RNLS: variants seen among roughly 807,000 people sequenced by gnomAD.
RNLS encodes the protein renalase.
A neutral mutation model predicts 39.8 loss-of-function variants in RNLS; 39 were observed. That is an observed-to-expected ratio of 0.98 (90% CI 0.76 to 1.28). RNLS has a LOEUF of 1.28. Ranked by LOEUF, RNLS falls within the 50% of genes most tolerant of loss-of-function variation. The pLI, the probability that RNLS is intolerant of heterozygous loss-of-function variation, is 0.00. For missense variants in RNLS, 410 were observed against 413.3 expected, an observed-to-expected ratio of 0.99 and a Z score of 0.07; for synonymous variants, 147 against 150.7, an observed-to-expected ratio of 0.98 and a Z score of 0.18.
intron 5 of RNLS, chr10:88,343,489 CG>C: frequency 7.7e-6 from 7 of 911,570 alleles, no homozygotes; most frequent in African/African-American, 1.8e-5. Flanking sequence ...CAGTGATGAA[CG>C]TAAGTTTGAT....
At chr10:88,256,469 A>G in the RNLS span, among the ~76,000 whole-genome samples, 3 of 152,336 alleles carry the variant, frequency 2.0e-5, no homozygotes, top group East Asian at 5.8e-4. Flanking sequence ...TATTCCAGTT[A>G]AGGTCGGCGG....
chr10:88,178,022 T>A, the RNLS span, among the ~76,000 whole-genome samples: 2 of 152,166 alleles, frequency 1.3e-5, no homozygotes, highest in African/African-American at 2.4e-5. Context: ...GGTGGGCCAT[T>A]TCTCTGGTCC....
intron 4 of RNLS, among the ~76,000 whole-genome samples, chr10:88,392,324 G>A (rs1852257715): frequency 6.6e-6 from 1 of 152,158 alleles, no homozygotes; most frequent in South Asian, 2.1e-4. Flanking sequence ...GTAGGGATGT[G>A]AGCATACTCA....
At chr10:88,474,688 C>T (rs1451850710) in intron 4 of RNLS, among the ~76,000 whole-genome samples, 1 of 152,102 alleles carries the variant, frequency 6.6e-6, no homozygotes, top group African/African-American at 2.4e-5. Context: ...TCAATAGTGT[C>T]TCTGTGTAGC....
At chr10:88,194,709 G>T in the RNLS span, among the ~76,000 whole-genome samples, 1 of 152,170 alleles carries the variant, frequency 6.6e-6, no homozygotes, top group Non-Finnish European at 1.5e-5. Flanking sequence ...TATTATCTAG[G>T]TCTACTGTAT....
chr10:88,555,393 G>T (rs1234665491), intron 4 of RNLS, among the ~76,000 whole-genome samples: 2 of 152,016 alleles, frequency 1.3e-5, no homozygotes, highest in African/African-American at 2.4e-5. Flanking sequence ...GGAGGTGTTT[G>T]GTCATGGGGG....
At chr10:88,471,658 C>T (rs1004934863) in intron 4 of RNLS, among the ~76,000 whole-genome samples, 3 of 152,180 alleles carry the variant, frequency 2.0e-5, no homozygotes, top group Admixed American at 6.5e-5. Context: ...CACAGGGTAT[C>T]GTTTACTATA....
intron 4 of RNLS, among the ~76,000 whole-genome samples, chr10:88,470,675 G>A (rs1398455102): frequency 1.3e-5 from 2 of 149,700 alleles, no homozygotes; most frequent in African/African-American, 5.0e-5. Flanking sequence ...GAGTGCTGTG[G>A]CACAATCTTG....
the RNLS span, among the ~76,000 whole-genome samples, chr10:88,255,314 A>G: frequency 6.6e-6 from 1 of 152,218 alleles, no homozygotes; most frequent in Non-Finnish European, 1.5e-5. Flanking sequence ...TATCTTTAAC[A>G]TGTTAGTTGA....
intron 4 of RNLS, among the ~76,000 whole-genome samples, chr10:88,483,115 T>C (rs1844294022): frequency 6.6e-6 from 1 of 152,158 alleles, no homozygotes; most frequent in Non-Finnish European, 1.5e-5. Flanking sequence ...TGGACTAAGG[T>C]TGTGCTCCTA....
At chr10:88,485,297 G>A (rs1268031907) in intron 4 of RNLS, among the ~76,000 whole-genome samples, 1 of 151,706 alleles carries the variant, frequency 6.6e-6, no homozygotes, top group Non-Finnish European at 1.5e-5. Context: ...TAGAGAGTCC[G>A]GAAATAGACC....
the RNLS span, among the ~76,000 whole-genome samples, chr10:88,242,946 A>AAAACAAACAAACAAAC: frequency 1.3e-5 from 2 of 149,668 alleles, no homozygotes; most frequent in African/African-American, 5.0e-5. Flanking sequence ...AAACTCTGTC[A>AAAACAAACAAACAAAC]AAACAAACAA....
the RNLS span, among the ~76,000 whole-genome samples, chr10:88,198,341 G>T: frequency 6.6e-6 from 1 of 152,272 alleles, no homozygotes; most frequent in South Asian, 2.1e-4. Context: ...TTTTGATCAG[G>T]GTAGACCTTT....
the RNLS span, among the ~76,000 whole-genome samples, chr10:88,255,542 A>G: frequency 2.0e-5 from 3 of 152,206 alleles, no homozygotes; most frequent in Admixed American, 6.5e-5. Context: ...ATCTGTGGAA[A>G]AGGCTTAATG....
chr10:88,197,132 G>C, the RNLS span, among the ~76,000 whole-genome samples: 1 of 152,180 alleles, frequency 6.6e-6, no homozygotes. Flanking sequence ...CCACTTAATA[G>C]CTATGTAACT....
At chr10:88,490,256 T>A (rs1844807362) in intron 4 of RNLS, among the ~76,000 whole-genome samples, 1 of 152,170 alleles carries the variant, frequency 6.6e-6, no homozygotes. Flanking sequence ...GATTTATAAG[T>A]TTATAAAATA....
intron 4 of RNLS, among the ~76,000 whole-genome samples, chr10:88,530,492 AT>A (rs1257940588): frequency 6.6e-6 from 1 of 151,654 alleles, no homozygotes; most frequent in African/African-American, 2.4e-5. Flanking sequence ...TTATGTAGTT[AT>A]TTTTTTGTGG....
At chr10:88,367,973 T>A (rs142757554) in intron 4 of RNLS, among the ~76,000 whole-genome samples, 6 of 152,204 alleles carry the variant, frequency 3.9e-5, no homozygotes, top group African/African-American at 1.4e-4. Context: ...ATAGTATGAT[T>A]TGATGAATAG....
chr10:88,374,265 G>T (rs1850790277), intron 4 of RNLS, among the ~76,000 whole-genome samples: 1 of 151,964 alleles, frequency 6.6e-6, no homozygotes, highest in Non-Finnish European at 1.5e-5. Context: ...TAACCTCAAG[G>T]TGTTTGCTTC....
Sources: allele counts gnomAD v4.1 joint callset (sites outside exome capture counted in the v4.1 genomes callset), GRCh38; gene constraint gnomAD v4.1.1; transcripts MANE v1.5; gene names NCBI Gene and HGNC (gene_info 2026-07-23, HGNC 2026-07-21).